WWTR1: variants seen among roughly 807,000 people sequenced by gnomAD.
WWTR1 encodes WW domain containing transcription regulator 1.
A neutral mutation model predicts 40.1 loss-of-function variants in WWTR1; 13 were observed. That is an observed-to-expected ratio of 0.32 (90% CI 0.21 to 0.52). The LOEUF is 0.52. Among genes scored for constraint, WWTR1 ranks in the 20% least tolerant of loss-of-function variants. WWTR1 has a pLI of 0.97. For synonymous variants in WWTR1, 230 were observed against 210.1 expected (o/e 1.09, Z -0.82); for missense variants, 436 against 523.1 (o/e 0.83, Z 1.63).
intron 4 of WWTR1, among the ~76,000 whole-genome samples, chr3:149,536,614 T>C (rs1360496522): frequency 1.3e-5 from 2 of 152,140 alleles, no homozygotes; most frequent in Non-Finnish European, 2.9e-5. Flanking sequence ...CTGTCAAGCC[T>C]GGCAGAAATC....
At chr3:149,581,256 G>T (rs1473700226) in intron 2 of WWTR1, among the ~76,000 whole-genome samples, 7 of 151,604 alleles carry the variant, frequency 4.6e-5, no homozygotes, top group Non-Finnish European at 7.4e-5. Context: ...CATCAGAATA[G>T]AAGATACAAA....
chr3:149,644,805 A>G (rs9859433), intron 2 of WWTR1, among the ~76,000 whole-genome samples: 83,279 of 152,020 alleles, frequency 0.55, 23,229 homozygotes, highest in Middle Eastern at 0.74. Context: ...TTGGGGTTGC[A>G]GGGTGGTGGT....
chr3:149,720,289 T>C (rs1242065093), intron 4 of WWTR1, among the ~76,000 whole-genome samples: 2 of 152,196 alleles, frequency 1.3e-5, no homozygotes, highest in Non-Finnish European at 2.9e-5. Flanking sequence ...TTGAGCTAAA[T>C]TATGCGTATG....
intron 2 of WWTR1, among the ~76,000 whole-genome samples, chr3:149,627,864 G>A (rs940208235): frequency 2.7e-5 from 4 of 146,412 alleles, no homozygotes; most frequent in South Asian, 2.2e-4. Flanking sequence ...ACCAGAGGTC[G>A]GGAGCTCGCG....
intron 6 of WWTR1, among the ~76,000 whole-genome samples, chr3:149,523,118 G>A (rs973104993): frequency 6.6e-6 from 1 of 151,696 alleles, no homozygotes; most frequent in African/African-American, 2.4e-5. Context: ...TGGAAGGCAT[G>A]AGGATACTGG....
intron 2 of WWTR1, among the ~76,000 whole-genome samples, chr3:149,616,409 T>G (rs1739968805): frequency 6.6e-6 from 1 of 152,270 alleles, no homozygotes; most frequent in Non-Finnish European, 1.5e-5. Flanking sequence ...TCCTCTGTAC[T>G]TTCCTAATAA....
rs770111982 is a variant in WWTR1 at position 149,520,967 on chromosome 3, G to A, written c.1041C>T (p.Pro347=). 47 of 1,607,872 alleles carry A rather than the reference G, an allele frequency of 2.9e-5. No homozygotes were observed. The highest frequency in any genetic ancestry group is 3.9e-5 in the Non-Finnish European group (46 of 1,178,082). Residue 347 remains proline, a synonymous_variant, in exon 7 of 7, where the codon CCC becomes CCT. Transcript: ENST00000360632. Reference sequence around the variant, plus strand: ...GGGTCTGTTGGGGATTGATGTTCATGGGTGTTTGTCCTGCGTTTTCTCCTA... The same window carrying A: ...GGGTCTGTTGGGGATTGATGTTCATAGGTGTTTGTCCTGCGTTTTCTCCTA... ...MDTGENAGQT[P]MNINPQQTRF...
At chr3:149,562,173 T>C (rs1737112478) in intron 3 of WWTR1, among the ~76,000 whole-genome samples, 2 of 151,956 alleles carry the variant, frequency 1.3e-5, no homozygotes, top group Non-Finnish European at 2.9e-5. Context: ...CGTGTGCCTG[T>C]AGTCCCAGCT....
At chr3:149,621,892 C>T (rs1740293406) in intron 2 of WWTR1, among the ~76,000 whole-genome samples, 1 of 152,126 alleles carries the variant, frequency 6.6e-6, no homozygotes, top group South Asian at 2.1e-4. Flanking sequence ...TCTTTGCCAC[C>T]ATAAGGATGT....
Position 149,553,374 on chromosome 3 carries a change from C to T in WWTR1, c.569-10837G>A, listed in dbSNP as rs920267945. On this transcript the variant is annotated intron_variant, in intron 3 of 6. Transcript: ENST00000360632. ...AAGTAGTGTTTCCTTTTCCCTATTT[C>T]ATGAAAAAGTCTAACAGACTATTTT... Among the ~76,000 whole-genome samples the T allele has an allele frequency of 3.3e-5, 5 of 152,246 alleles. No individual in the cohort carries two copies. In the East Asian group the frequency reaches 9.6e-4, roughly 29 times the overall value.
At chr3:149,690,399 T>C (rs376317410) in intron 1 of WWTR1, among the ~76,000 whole-genome samples, 1 of 151,374 alleles carries the variant, frequency 6.6e-6, no homozygotes, top group South Asian at 2.1e-4. Context: ...AAGACACACA[T>C]AGACTAAAAA....
At chr3:149,609,703 C>T (rs1284245757) in intron 2 of WWTR1, among the ~76,000 whole-genome samples, 1 of 152,164 alleles carries the variant, frequency 6.6e-6, no homozygotes, top group Non-Finnish European at 1.5e-5. Flanking sequence ...GACCTTTGCA[C>T]TAGGAGATAG....
chr3:149,601,590 A>G (rs2108050242), intron 2 of WWTR1, among the ~76,000 whole-genome samples: 1 of 152,320 alleles, frequency 6.6e-6, no homozygotes, highest in South Asian at 2.1e-4. Flanking sequence ...CCCCTTGGGA[A>G]CTTCCTAATA....
chr3:149,671,474 C>A (rs1315678768), intron 1 of WWTR1, among the ~76,000 whole-genome samples: 1 of 152,100 alleles, frequency 6.6e-6, no homozygotes, highest in Non-Finnish European at 1.5e-5. Flanking sequence ...CTGGCATATC[C>A]CCTAACAGAA....
chr3:149,549,958 T>C (rs1204238035), intron 3 of WWTR1, among the ~76,000 whole-genome samples: 1 of 152,216 alleles, frequency 6.6e-6, no homozygotes, highest in Non-Finnish European at 1.5e-5. Flanking sequence ...GAATAAAGTA[T>C]GGATTTAATA....
At chr3:149,596,966 T>C (rs1739026943) in intron 2 of WWTR1, among the ~76,000 whole-genome samples, 1 of 152,168 alleles carries the variant, frequency 6.6e-6, no homozygotes, top group Non-Finnish European at 1.5e-5. Flanking sequence ...GAACAAAACC[T>C]GGCAGATAGA....
intron 1 of WWTR1, among the ~76,000 whole-genome samples, chr3:149,700,912 C>T (rs2108223323): frequency 6.6e-6 from 1 of 152,282 alleles, no homozygotes; most frequent in Admixed American, 6.5e-5. Context: ...CTGGTTAGCA[C>T]CAACACCAGG....
At chr3:149,657,559 T>G in intron 1 of WWTR1, 2 of 506,772 alleles carry the variant, frequency 3.9e-6, no homozygotes, top group Non-Finnish European at 7.0e-6. Flanking sequence ...GAGGAGAAGA[T>G]AGGGCGAGGG....
chr3:149,569,327 AATG>A (rs533576813), intron 3 of WWTR1, among the ~76,000 whole-genome samples: 8 of 152,264 alleles, frequency 5.3e-5, no homozygotes, highest in South Asian at 2.1e-4. Flanking sequence ...CCATAAAAAT[AATG>A]ATAATAAACA....
Sources: gnomAD v4.1 joint callset for allele counts (sites outside exome capture counted in the v4.1 genomes callset) on GRCh38, gnomAD v4.1.1 for gene constraint, MANE v1.5 for transcripts, NCBI Gene and HGNC (gene_info 2026-07-23, HGNC 2026-07-21) for gene names.